Variants in GRM8 observed in about 807,000 individuals in gnomAD.
GRM8 encodes glutamate metabotropic receptor 8, also known as metabotropic glutamate receptor 8.
In GRM8, 47 loss-of-function variants were observed where a neutral mutation model predicts 87.2. The ratio of observed to expected loss-of-function variants is 0.54; its 90% CI spans 0.43 to 0.69. The LOEUF (loss-of-function observed/expected upper bound fraction) is 0.69, where lower values mean the gene tolerates loss of function less well. Among genes scored for constraint, GRM8 ranks in the 30% least tolerant of loss-of-function variants. The pLI, the probability that GRM8 is intolerant of heterozygous loss-of-function variation, is 0.00. For missense variants in GRM8, 1,019 were observed against 1,139.2 expected (o/e 0.89, Z 1.52); for synonymous variants, 396 against 404.5 (o/e 0.98, Z 0.25).
At chr7:126,910,111 A>G (rs1803138309) in intron 3 of GRM8, among the ~76,000 whole-genome samples, 1 of 152,112 alleles carries the variant, frequency 6.6e-6, no homozygotes, top group Non-Finnish European at 1.5e-5. Flanking sequence ...AATACTTGGA[A>G]TCTATGCAGA....
At chr7:126,545,207 G>A (rs1322880508) in intron 8 of GRM8, among the ~76,000 whole-genome samples, 1 of 152,150 alleles carries the variant, frequency 6.6e-6, no homozygotes, top group Non-Finnish European at 1.5e-5. Context: ...TAAGGGAAGG[G>A]TGCAGGAAGT....
intron 6 of GRM8, among the ~76,000 whole-genome samples, chr7:126,808,761 A>C (rs959820582): frequency 1.3e-5 from 2 of 152,204 alleles, no homozygotes; most frequent in African/African-American, 4.8e-5. Context: ...ATGAAATGCA[A>C]ACCAGAAGAA....
chr7:127,222,809 C>T (rs1188784247), intron 2 of GRM8, among the ~76,000 whole-genome samples: 1 of 152,198 alleles, frequency 6.6e-6, no homozygotes, highest in Admixed American at 6.5e-5. Context: ...GCAACAAATA[C>T]ATGGTAGAAA....
chr7:127,223,752 C>T (rs572635699), intron 2 of GRM8, among the ~76,000 whole-genome samples: 34 of 152,166 alleles, frequency 2.2e-4, no homozygotes, highest in African/African-American at 7.0e-4. Flanking sequence ...GACTCCTCCT[C>T]CTGGCAGCCA....
At position 126,904,637 on chromosome 7, in the gene GRM8, T is replaced by C. The variant is rs770232177; in HGVS notation, c.774A>G (p.Arg258=). The C allele has an allele frequency of 1.7e-4, 275 of 1,613,550 alleles. No individual in the cohort carries two copies. Among genetic ancestry groups the C allele is most frequent in the Non-Finnish European group, 2.2e-4 (265 of 1,179,630 alleles). Residue 258 remains arginine, a synonymous_variant, in exon 4 of 11, where the codon AGA becomes AGG. Coordinates refer to ENST00000339582, the MANE Select transcript of GRM8 (RefSeq NM_000845.3). ...TGATAATTTTTTCAAATTCTCCAGG[T>C]CTTGGTTCACGTGGGATTTTCTGTG... ...AQSQKIPREP[R]PGEFEKIIKR... is the part of the protein sequence containing the mutation.
intron 3 of GRM8, among the ~76,000 whole-genome samples, chr7:126,958,001 C>T (rs1808911384): frequency 1.3e-5 from 2 of 152,136 alleles, no homozygotes; most frequent in South Asian, 4.1e-4. Context: ...CTGGACTCAG[C>T]CAGTCTTAGA....
chr7:126,736,029 G>C (rs986085640), intron 7 of GRM8, among the ~76,000 whole-genome samples: 1 of 152,026 alleles, frequency 6.6e-6, no homozygotes, highest in African/African-American at 2.4e-5. Flanking sequence ...TTAATGTTAA[G>C]TTCTTCCAGA....
At chr7:127,241,051 AGCCTGTTTGT>A (rs1798262918) in intron 2 of GRM8, among the ~76,000 whole-genome samples, 1 of 152,220 alleles carries the variant, frequency 6.6e-6, no homozygotes, top group South Asian at 2.1e-4. Flanking sequence ...CACACCCTGA[AGCCTGTTTGT>A]GCCTCTTCAG....
intron 7 of GRM8, among the ~76,000 whole-genome samples, chr7:126,649,082 C>G (rs1380189089): frequency 6.6e-6 from 1 of 152,090 alleles, no homozygotes; most frequent in African/African-American, 2.4e-5. Context: ...ATGTGGATCC[C>G]AAATGTGAAT....
intron 2 of GRM8, among the ~76,000 whole-genome samples, chr7:127,113,150 C>T (rs1438510704): frequency 6.6e-6 from 1 of 152,172 alleles, no homozygotes; most frequent in East Asian, 1.9e-4. Flanking sequence ...AGAACAACTT[C>T]AGCTGCCTCA....
chr7:126,451,183 G>A (rs181385398), intron 9 of GRM8, among the ~76,000 whole-genome samples: 26 of 151,774 alleles, frequency 1.7e-4, no homozygotes, highest in Admixed American at 1.5e-3. Flanking sequence ...CACTCCCTTC[G>A]GTGCCTGACA....
At chr7:127,127,514 G>A (rs1413765019) in intron 2 of GRM8, among the ~76,000 whole-genome samples, 1 of 151,952 alleles carries the variant, frequency 6.6e-6, no homozygotes, top group Non-Finnish European at 1.5e-5. Context: ...ATTATACTGA[G>A]CAATAAAAGC....
intron 8 of GRM8, among the ~76,000 whole-genome samples, chr7:126,594,159 CATTATGGAAAATA>C (rs1796943759): frequency 6.6e-6 from 1 of 151,882 alleles, no homozygotes; most frequent in African/African-American, 2.4e-5. Flanking sequence ...TTAGTGCAGC[CATTATGGAAAATA>C]ATATGAAGAT....
At chr7:127,217,829 G>A (rs867974927) in intron 2 of GRM8, among the ~76,000 whole-genome samples, 32 of 152,222 alleles carry the variant, frequency 2.1e-4, no homozygotes, top group African/African-American at 6.5e-4. Context: ...CAGAATATCA[G>A]TGTTCCACTC....
chr7:126,548,770 C>T (rs919335557), intron 8 of GRM8, among the ~76,000 whole-genome samples: 11 of 152,108 alleles, frequency 7.2e-5, no homozygotes, highest in Non-Finnish European at 1.6e-4. Flanking sequence ...ACATCAAGGA[C>T]CCATTAATTT....
intron 2 of GRM8, among the ~76,000 whole-genome samples, chr7:127,161,137 G>A (rs1330255755): frequency 1.3e-5 from 2 of 152,042 alleles, no homozygotes; most frequent in African/African-American, 4.8e-5. Flanking sequence ...ATTGAAAGAA[G>A]AAACGCGACT....
chr7:126,904,589 A>G lies in GRM8; in HGVS notation c.822T>C (p.Asn274=), dbSNP rs1388439213. ...KIIKRLLETP[N]ARAVIMFANE... ...TGGCAAACATAATCACTGCTCGAGC[A>G]TTAGGTGTTTCTAGCAGGCGTTTGA... Residue 274 remains asparagine, a synonymous_variant, in exon 4 of 11, where the codon AAT becomes AAC. Transcript: ENST00000339582. 6.2e-7 allele frequency: 1 copy of G among 1,613,588 alleles called. No individual in the cohort carries two copies. The highest frequency in any genetic ancestry group is 8.5e-7 in the Non-Finnish European group (1 of 1,179,640).
At chr7:126,994,762 A>C (rs1263859988) in intron 3 of GRM8, among the ~76,000 whole-genome samples, 5 of 151,794 alleles carry the variant, frequency 3.3e-5, no homozygotes, top group Admixed American at 6.6e-5. Context: ...TTTTTTTTTT[A>C]ATTCTAATCC....
chr7:127,230,731 A>G (rs1366682292), intron 2 of GRM8, among the ~76,000 whole-genome samples: 2 of 152,180 alleles, frequency 1.3e-5, no homozygotes, highest in East Asian at 3.9e-4. Context: ...ACAAGGAGAC[A>G]GCATCTATAA....
Sources: gnomAD v4.1 joint callset for allele counts (sites outside exome capture counted in the v4.1 genomes callset) on GRCh38, gnomAD v4.1.1 for gene constraint, MANE v1.5 for transcripts, NCBI Gene and HGNC (gene_info 2026-07-23, HGNC 2026-07-21) for gene names.